NALCN: variants seen among roughly 807,000 people sequenced by gnomAD.
NALCN encodes the protein sodium leak channel, non-selective.
Under a neutral mutation model 225.3 loss-of-function variants are expected in NALCN, and 111 were observed. That is an observed-to-expected ratio of 0.49 (90% confidence interval 0.42 to 0.58). The LOEUF (loss-of-function observed/expected upper bound fraction) is 0.58. Among genes scored for constraint, NALCN ranks in the 20% least tolerant of loss-of-function variants. NALCN has a pLI of 0.00. For synonymous variants in NALCN, 764 were observed against 769.0 expected (o/e 0.99, Z 0.11); for missense variants, 1,378 against 2,202.4 (o/e 0.63, Z 7.49).
At chr13:101,120,293 A>G (rs1232832004) in intron 18 of NALCN, among the ~76,000 whole-genome samples, 3 of 152,198 alleles carry the variant, frequency 2.0e-5, no homozygotes, top group African/African-American at 7.2e-5. Flanking sequence ...CTCTGCGTCA[A>G]TATGACTTGA....
At chr13:101,081,498 G>A in intron 34 of NALCN, 29 bp downstream of exon 34, 1 of 1,613,466 alleles carries the variant, frequency 6.2e-7, no homozygotes, top group East Asian at 2.2e-5. Flanking sequence ...GAAATAATCA[G>A]CTGAAATCAA....
At chr13:101,114,482 T>TTGCC (rs2035607191) in intron 18 of NALCN, among the ~76,000 whole-genome samples, 1 of 152,048 alleles carries the variant, frequency 6.6e-6, no homozygotes, top group Non-Finnish European at 1.5e-5. Flanking sequence ...TCTTGCTTGC[T>TTGCC]TGCCCTGGTG....
At chr13:101,148,307 C>T (rs544285296) in intron 15 of NALCN, among the ~76,000 whole-genome samples, 23 of 152,288 alleles carry the variant, frequency 1.5e-4, no homozygotes, top group African/African-American at 3.8e-4. Context: ...CAGCCATGCT[C>T]GGAGTTCCCT....
At chr13:101,304,516 G>A (rs955151287) in intron 7 of NALCN, among the ~76,000 whole-genome samples, 1 of 152,040 alleles carries the variant, frequency 6.6e-6, no homozygotes, top group African/African-American at 2.4e-5. Flanking sequence ...GAATGCAGTG[G>A]TGCCATCTCG....
intron 18 of NALCN, chr13:101,116,457 G>T: frequency 2.0e-6 from 1 of 505,542 alleles, no homozygotes; most frequent in Middle Eastern, 3.3e-4. Flanking sequence ...AGAGATCTTT[G>T]GAGCTTTATT....
intron 18 of NALCN, among the ~76,000 whole-genome samples, chr13:101,114,781 G>A (rs895596096): frequency 1.3e-5 from 2 of 152,186 alleles, no homozygotes; most frequent in Non-Finnish European, 2.9e-5. Context: ...GATCACGAAT[G>A]CGGTTATTAT....
At chr13:101,144,576 TA>T (rs1437460444) in intron 16 of NALCN, among the ~76,000 whole-genome samples, 183 bp downstream of exon 16, 1 of 152,200 alleles carries the variant, frequency 6.6e-6, no homozygotes, top group African/African-American at 2.4e-5. Context: ...ATACATTGCT[TA>T]AAAGAGTCAA....
intron 13 of NALCN, among the ~76,000 whole-genome samples, chr13:101,196,009 T>C (rs1330958780): frequency 3.9e-5 from 6 of 152,186 alleles, no homozygotes; most frequent in Admixed American, 2.0e-4. Flanking sequence ...TATGAAAACA[T>C]TGCTCACTCT....
At chr13:101,291,932 G>C (rs1436546345) in intron 9 of NALCN, 58 bp downstream of exon 9, 3 of 1,533,322 alleles carry the variant, frequency 2.0e-6, no homozygotes, top group Admixed American at 3.4e-5. Flanking sequence ...CACTGATGGT[G>C]AGGGTGAGAC....
intron 17 of NALCN, among the ~76,000 whole-genome samples, chr13:101,131,045 T>C (rs1180911113): frequency 6.6e-6 from 1 of 152,112 alleles, no homozygotes; most frequent in East Asian, 1.9e-4. Context: ...TTTTAAAAAA[T>C]GCCCTCTTCT....
chr13:101,397,101 T>C (rs1445510683), intron 2 of NALCN, among the ~76,000 whole-genome samples: 14 of 69,608 alleles, frequency 2.0e-4, no homozygotes, highest in East Asian at 7.3e-4. Context: ...TATATATATA[T>C]ATATATATAC....
chr13:101,238,502 T>C (rs1482857438), intron 11 of NALCN, among the ~76,000 whole-genome samples: 1 of 151,946 alleles, frequency 6.6e-6, no homozygotes, highest in Non-Finnish European at 1.5e-5. Flanking sequence ...ATTAGTATAT[T>C]AACACATTTA....
intron 11 of NALCN, among the ~76,000 whole-genome samples, chr13:101,246,374 G>T (rs1178309503): frequency 6.6e-6 from 1 of 152,088 alleles, no homozygotes; most frequent in Non-Finnish European, 1.5e-5. Context: ...TTATCACAAA[G>T]GAAGATTACA....
intron 1 of NALCN, among the ~76,000 whole-genome samples, chr13:101,410,848 G>A (rs1566664387): frequency 6.6e-6 from 1 of 152,128 alleles, no homozygotes; most frequent in Admixed American, 6.5e-5. Flanking sequence ...CTCGATGATC[G>A]GAAATTATTT....
intron 7 of NALCN, among the ~76,000 whole-genome samples, chr13:101,316,216 A>C (rs555416735): frequency 6.6e-6 from 1 of 152,314 alleles, no homozygotes; most frequent in African/African-American, 2.4e-5. Context: ...TTCCTCTCCC[A>C]CACAGCAACA....
chr13:101,333,753 G>T (rs1170641572), intron 7 of NALCN, among the ~76,000 whole-genome samples: 2 of 152,118 alleles, frequency 1.3e-5, no homozygotes. Flanking sequence ...TTGATAAAAC[G>T]GATTTGATTT....
intron 43 of NALCN, 122 bp from the exon 44 acceptor site, chr13:101,055,610 C>T: frequency 5.6e-6 from 4 of 712,916 alleles, no homozygotes; most frequent in Non-Finnish European, 9.1e-6. Flanking sequence ...GCCACAGATG[C>T]TAAGTAAACA....
chr13:101,188,680 GTATA>G (rs71912796), intron 14 of NALCN, among the ~76,000 whole-genome samples: 2 of 148,418 alleles, frequency 1.3e-5, no homozygotes, highest in African/African-American at 5.0e-5. Context: ...CTGTGTGTGT[GTATA>G]TATATATATA....
intron 17 of NALCN, among the ~76,000 whole-genome samples, chr13:101,131,089 G>A (rs1424852991): frequency 6.6e-6 from 1 of 151,564 alleles, no homozygotes; most frequent in Non-Finnish European, 1.5e-5. Context: ...AATCATCTGA[G>A]GTCTCTTTAT....
Sources: gnomAD v4.1 joint callset for allele counts (sites outside exome capture counted in the v4.1 genomes callset) on GRCh38, gnomAD v4.1.1 for gene constraint, MANE v1.5 for transcripts, NCBI Gene and HGNC (gene_info 2026-07-23, HGNC 2026-07-21) for gene names.